ANLN: variants seen among roughly 807,000 people sequenced by gnomAD.
ANLN encodes anillin.
A neutral mutation model predicts 135.1 loss-of-function variants in ANLN; 59 were observed. The observed-to-expected ratio is 0.44, with a 90% CI of 0.35 to 0.54. The LOEUF is 0.54. Ranked by LOEUF, ANLN falls within the 20% of genes least tolerant of loss-of-function variation. ANLN has a pLI of 0.00. For missense variants in ANLN, 1,182 were observed against 1,340.0 expected (o/e 0.88, Z 1.84); for synonymous variants, 406 against 456.4 (o/e 0.89, Z 1.41).
chr7:36,438,783 C>T (rs1788650170), intron 20 of ANLN, among the ~76,000 whole-genome samples: 1 of 152,208 alleles, frequency 6.6e-6, no homozygotes, highest in Non-Finnish European at 1.5e-5. Flanking sequence ...TTTGGGGTCT[C>T]TTGCAATTAC....
chr7:36,392,559 A>G (rs999264955), intron 1 of ANLN, among the ~76,000 whole-genome samples: 3 of 145,316 alleles, frequency 2.1e-5, no homozygotes, highest in Admixed American at 6.9e-5. Context: ...AAGGTGTGAT[A>G]TTTCAAGGAA....
At chr7:36,427,072 T>A in intron 20 of ANLN, 44 bp downstream of exon 20, 1 of 1,324,602 alleles carries the variant, frequency 7.5e-7, no homozygotes, top group Non-Finnish European at 1.1e-6. Flanking sequence ...TTTTTTTTAA[T>A]CTTAGAAAAA....
At position 36,408,049 on chromosome 7, in the gene ANLN, A is replaced by G. The variant is rs1583606781; in HGVS notation, c.1096+93A>G. 13 of 1,011,230 alleles carry G rather than the reference A, an allele frequency of 1.3e-5. No individual in the cohort carries two copies. The South Asian group carries it at 1.7e-4, about 13-fold the overall frequency. The allele number at this position is 1,011,230 out of a possible 1,614,324, so 62.6% of individuals were successfully genotyped here. A position where few individuals can be genotyped will look rare whatever the true frequency, so the allele number is the denominator to read the frequency against. ...ATATTCAATTGTGAATGGTACAGCAATGATTTGCCAGGGCCAATGCCTGAA... is the reference window on the plus strand; with the variant it reads ...ATATTCAATTGTGAATGGTACAGCAGTGATTTGCCAGGGCCAATGCCTGAA... On this transcript the variant is annotated intron_variant, in intron 5 of 23. Coordinates refer to ENST00000265748, the MANE Select transcript of ANLN (RefSeq NM_018685.5).
Position 36,406,234 on chromosome 7 carries a change from G to A in ANLN, c.541G>A (p.Ala181Thr). ...ACCAATGCCATCAGAGGAAAAGGCT[G>A]CTTCCCCTCCCAGACCTCTGCTTTC... ...FSPMPSEEKAASPPRPLLSNA... is the reference protein window; with the variant it reads ...FSPMPSEEKATSPPRPLLSNA... Residue 181 changes from alanine to threonine, a missense_variant, in exon 4 of 24, where the codon GCT becomes ACT. This residue lies in a region of ANLN where 1,022 missense variants were observed against 1,134.0 expected (regional missense o/e 0.90). Coordinates refer to ENST00000265748, the MANE Select transcript of ANLN (RefSeq NM_018685.5). The A allele has an allele frequency of 6.2e-7, 1 of 1,613,368 alleles. No individual in the cohort carries two copies. The highest frequency in any genetic ancestry group is 8.5e-7 in the Non-Finnish European group (1 of 1,179,284).
chr7:36,414,037 T>C (rs938493445), intron 7 of ANLN, among the ~76,000 whole-genome samples: 5 of 152,014 alleles, frequency 3.3e-5, no homozygotes, highest in Admixed American at 6.5e-5. Flanking sequence ...AAGAAAACTT[T>C]CGAGAAGGAA....
At chr7:36,450,560 T>A (rs777840426) in intron 23 of ANLN, among the ~76,000 whole-genome samples, 1 of 152,172 alleles carries the variant, frequency 6.6e-6, no homozygotes, top group Non-Finnish European at 1.5e-5. Context: ...GGAGACACAA[T>A]ACTAAAATAG....
rs529915975 is a variant in ANLN, at chr7:36,446,752, G to A, written c.3078+2890G>A. Among the ~76,000 whole-genome samples, 3 of 152,214 alleles carry A rather than the reference G, an allele frequency of 2.0e-5. No homozygotes were observed. In the South Asian group the frequency reaches 6.2e-4, roughly 32 times the overall value. The stretch of plus-strand genomic sequence containing the variant: ...GGGATTACAATTCAACATGAGATCT[G>A]GGTGAAGACAAATATCAAAACTGTA... On this transcript the variant is annotated intron_variant, in intron 22 of 23. Coordinates refer to ENST00000265748, the MANE Select transcript of ANLN (RefSeq NM_018685.5).
intron 8 of ANLN, among the ~76,000 whole-genome samples, chr7:36,416,697 C>T (rs953236935): frequency 5.3e-5 from 8 of 151,156 alleles, no homozygotes; most frequent in Admixed American, 4.6e-4. Context: ...TAAATATGCA[C>T]ACCTTGGGGG....
intron 5 of ANLN, among the ~76,000 whole-genome samples, chr7:36,409,233 ATATT>A (rs1423248813): frequency 1.3e-5 from 2 of 152,156 alleles, no homozygotes; most frequent in African/African-American, 4.8e-5. Flanking sequence ...GGTTTCAGAG[ATATT>A]TATTTTAGAT....
At chr7:36,442,606 GT>G (rs970981669) in intron 21 of ANLN, among the ~76,000 whole-genome samples, 51 of 151,628 alleles carry the variant, frequency 3.4e-4, no homozygotes, top group East Asian at 2.7e-3. Flanking sequence ...GATGAATGTT[GT>G]TTTTTTTAAT....
At chr7:36,415,917 G>A (rs767996441) in intron 8 of ANLN, 33 bp downstream of exon 8, 1 of 1,493,812 alleles carries the variant, frequency 6.7e-7, no homozygotes, top group Non-Finnish European at 9.0e-7. Context: ...TGGTTAGTAT[G>A]TAGAAACTCA....
chr7:36,427,287 G>C (rs575313248), intron 20 of ANLN, among the ~76,000 whole-genome samples: 3 of 151,272 alleles, frequency 2.0e-5, no homozygotes, highest in South Asian at 4.2e-4. Flanking sequence ...GACTAAAGAA[G>C]TATTACTTCC....
chr7:36,422,115 A>T, intron 13 of ANLN, 123 bp downstream of exon 13: 1 of 1,141,336 alleles, frequency 8.8e-7, no homozygotes, highest in East Asian at 2.7e-5. Flanking sequence ...CAGTGGATCT[A>T]TTTTTTGTTC....
chr7:36,420,336 A>T (rs565538567), intron 11 of ANLN, 22 bp downstream of exon 11: 1 of 1,612,190 alleles, frequency 6.2e-7, no homozygotes. Flanking sequence ...TCTGGAAGGC[A>T]TTCACTCACT....
chr7:36,393,383 A>G (rs143038005), intron 1 of ANLN, among the ~76,000 whole-genome samples: 113 of 152,356 alleles, frequency 7.4e-4, no homozygotes, highest in African/African-American at 2.5e-3. Context: ...GCTGGGAAAC[A>G]TATTTAATAG....
intron 20 of ANLN, among the ~76,000 whole-genome samples, chr7:36,434,929 C>A (rs1056603223): frequency 2.6e-5 from 4 of 152,088 alleles, no homozygotes; most frequent in Non-Finnish European, 5.9e-5. Context: ...TCACCTATAG[C>A]AACAGAAAGC....
rs762150195 is a variant in ANLN, at chr7:36,449,848, G to C, written c.3251+11G>C. 1.5e-5 allele frequency: 24 copies of C among 1,607,586 alleles called. No homozygotes were observed. Among genetic ancestry groups the C allele is most frequent in the Non-Finnish European group, 2.0e-5 (24 of 1,177,024 alleles). On this transcript the variant is annotated intron_variant, in intron 23 of 23. Transcript: ENST00000265748. Reference sequence around the variant, plus strand: ...ACTCTGTGTTACCAAGTATGTATTGGCCTATAAATATTTCTATCAACTAAG... The same window carrying C: ...ACTCTGTGTTACCAAGTATGTATTGCCCTATAAATATTTCTATCAACTAAG...
At position 36,411,140 on chromosome 7, in the gene ANLN, A is replaced by G. The variant is rs1342223672; in HGVS notation, c.1369A>G (p.Lys457Glu). Residue 457 changes from lysine to glutamate, a missense_variant, in exon 7 of 24, where the codon AAA becomes GAA. By Grantham distance (56) the Lys-to-Glu change is moderately conservative. Transcript: ENST00000265748. The part of the protein sequence containing the change: ...IWSAEKGGNS[K>E]SKQLETKQET... ...GAGTGCAGAAAAAGGCGGAAACTCA[A>G]AAAGCAAACAACTAGAAACCAAACA... 1.2e-6 allele frequency: 2 copies of G among 1,607,520 alleles called. No individual in the cohort carries two copies. The highest frequency in any genetic ancestry group is 1.7e-6 in the Non-Finnish European group (2 of 1,178,626).
At chr7:36,408,059 A>G in intron 5 of ANLN, 103 bp downstream of exon 5, 1 of 904,526 alleles carries the variant, frequency 1.1e-6, no homozygotes. Flanking sequence ...ATGATTTGCC[A>G]GGGCCAATGC....
Sources: allele counts gnomAD v4.1 joint callset (sites outside exome capture counted in the v4.1 genomes callset), GRCh38; gene constraint gnomAD v4.1.1; regional missense constraint gnomAD v4.1.1; transcripts MANE v1.5; gene names NCBI Gene and HGNC (gene_info 2026-07-23, HGNC 2026-07-21).